Variants in ATRNL1 observed in about 807,000 individuals in gnomAD.
ATRNL1 encodes attractin-like protein 1.
ATRNL1 carries 95 observed loss-of-function variants against 182.7 expected under a neutral mutation model. The observed-to-expected ratio is 0.52, with a 90% CI of 0.44 to 0.62. The LOEUF (loss-of-function observed/expected upper bound fraction) is 0.62, where lower values mean the gene tolerates loss of function less well. Among genes scored for constraint, ATRNL1 ranks in the 20% least tolerant of loss-of-function variants. The pLI is 0.00. For synonymous variants in ATRNL1, 576 were observed against 568.3 expected, an observed-to-expected ratio of 1.01 and a Z score of -0.19; for missense variants, 1,471 against 1,679.5, an observed-to-expected ratio of 0.88 and a Z score of 2.17.
intron 9 of ATRNL1, among the ~76,000 whole-genome samples, chr10:115,236,224 TA>T (rs1362284501): frequency 6.6e-6 from 1 of 152,172 alleles, no homozygotes; most frequent in African/African-American, 2.4e-5. Flanking sequence ...GAATGTTCTT[TA>T]AAAACTAAGA....
intron 26 of ATRNL1, among the ~76,000 whole-genome samples, chr10:115,687,461 G>A (rs935892311): frequency 6.6e-6 from 1 of 151,958 alleles, no homozygotes; most frequent in Non-Finnish European, 1.5e-5. Flanking sequence ...CTTTTTTGAG[G>A]CTAAGTAATA....
intron 26 of ATRNL1, among the ~76,000 whole-genome samples, chr10:115,583,149 C>A (rs1280280389): frequency 2.0e-5 from 3 of 149,876 alleles, no homozygotes; most frequent in Non-Finnish European, 3.0e-5. Context: ...GTTACTGTAT[C>A]CTGGTAGTAT....
At chr10:115,875,446 G>A (rs1342900133) in intron 28 of ATRNL1, among the ~76,000 whole-genome samples, 5 of 152,140 alleles carry the variant, frequency 3.3e-5, no homozygotes, top group Non-Finnish European at 5.9e-5. Context: ...AGGGACAAGT[G>A]GAGAAACAAA....
chr10:115,178,866 A>T (rs949936791), intron 8 of ATRNL1, among the ~76,000 whole-genome samples: 1 of 152,174 alleles, frequency 6.6e-6, no homozygotes, highest in African/African-American at 2.4e-5. Context: ...AACTGTTAGA[A>T]ATAAATTTCC....
At chr10:115,138,660 G>T (rs904970999) in intron 5 of ATRNL1, among the ~76,000 whole-genome samples, 2 of 152,176 alleles carry the variant, frequency 1.3e-5, no homozygotes, top group East Asian at 3.9e-4. Context: ...GAGCAGGGGG[G>T]CCCTGGGCCT....
intron 28 of ATRNL1, among the ~76,000 whole-genome samples, chr10:115,914,517 C>T (rs1952785437): frequency 6.6e-6 from 1 of 152,126 alleles, no homozygotes; most frequent in African/African-American, 2.4e-5. Flanking sequence ...GTGGTCCTGC[C>T]CTGAGCAGTG....
At chr10:115,555,038 T>C (rs1213172401) in intron 26 of ATRNL1, among the ~76,000 whole-genome samples, 1 of 151,744 alleles carries the variant, frequency 6.6e-6, no homozygotes, top group African/African-American at 2.4e-5. Flanking sequence ...TGTATATGTG[T>C]TTTTATGCTA....
intron 19 of ATRNL1, among the ~76,000 whole-genome samples, chr10:115,388,123 A>G (rs1564987601): frequency 6.6e-6 from 1 of 152,322 alleles, no homozygotes; most frequent in East Asian, 1.9e-4. Context: ...CTATTCAGCT[A>G]TCTTGTTATA....
intron 28 of ATRNL1, among the ~76,000 whole-genome samples, chr10:115,879,948 G>C (rs1951790342): frequency 6.6e-6 from 1 of 152,116 alleles, no homozygotes; most frequent in Admixed American, 6.5e-5. Context: ...CAGGAGCCAG[G>C]AAATTGTTCA....
intron 24 of ATRNL1, among the ~76,000 whole-genome samples, chr10:115,483,144 T>C (rs553446475): frequency 2.0e-5 from 3 of 151,502 alleles, no homozygotes; most frequent in South Asian, 4.1e-4. Context: ...AAGAAACTTA[T>C]TGCATGTTGA....
At chr10:115,479,956 G>C (rs1205251904) in intron 24 of ATRNL1, among the ~76,000 whole-genome samples, 2 of 151,082 alleles carry the variant, frequency 1.3e-5, no homozygotes, top group African/African-American at 4.8e-5. Context: ...GAGCAAACTG[G>C]CTTTGACAAT....
intron 26 of ATRNL1, among the ~76,000 whole-genome samples, chr10:115,702,414 G>A (rs1555051787): frequency 6.6e-6 from 1 of 151,992 alleles, no homozygotes; most frequent in Non-Finnish European, 1.5e-5. Context: ...GGAAGTCCTA[G>A]TCAGAGCAAT....
chr10:115,698,282 TC>T (rs1470682019), intron 26 of ATRNL1, among the ~76,000 whole-genome samples: 1 of 152,126 alleles, frequency 6.6e-6, no homozygotes, highest in Admixed American at 6.6e-5. Flanking sequence ...TCAAATTAAG[TC>T]CAAGTAAAAT....
At position 115,551,035 on chromosome 10, in the gene ATRNL1, TGTAA is replaced by T. The variant is rs1418283286; in HGVS notation, c.3795+1506_3795+1509del. Among the ~76,000 whole-genome samples, 4 of 151,824 alleles carry T rather than the reference TGTAA, an allele frequency of 2.6e-5. 1 individual carries two copies. The highest frequency in any genetic ancestry group is 2.0e-4 in the Admixed American group (3 of 15,230). The stretch of plus-strand genomic sequence containing the variant: ...TATCTGCCATTAACTGGCAGCTGAA[TGTAA>T]GTAAGTTGTCTAGTTAAATTTCCTT... On this transcript the variant is annotated intron_variant, in intron 26 of 28. Transcript: ENST00000355044.
chr10:115,930,834 C>T (rs1012147994), intron 28 of ATRNL1, among the ~76,000 whole-genome samples: 27 of 152,154 alleles, frequency 1.8e-4, no homozygotes, highest in Admixed American at 1.2e-3. Context: ...AGCCCTTTGG[C>T]ACTGAGGCTC....
chr10:115,916,614 C>G (rs1555117328), intron 28 of ATRNL1, among the ~76,000 whole-genome samples: 2 of 152,346 alleles, frequency 1.3e-5, no homozygotes, highest in Admixed American at 1.3e-4. Flanking sequence ...TTTTTGTACT[C>G]ATTTCCATTG....
chr10:115,614,656 A>G (rs1264828797), intron 26 of ATRNL1, among the ~76,000 whole-genome samples: 17 of 152,034 alleles, frequency 1.1e-4, no homozygotes, highest in African/African-American at 2.2e-4. Context: ...ATTGCTGTCT[A>G]TATTGGTCTT....
intron 26 of ATRNL1, among the ~76,000 whole-genome samples, chr10:115,577,697 G>A (rs1854811242): frequency 6.8e-6 from 1 of 148,090 alleles, no homozygotes; most frequent in Non-Finnish European, 1.5e-5. Context: ...CAGTCTATAA[G>A]CAGTTATAAT....
chr10:115,778,823 G>A lies in ATRNL1; in HGVS notation c.3903+51468G>A, dbSNP rs141334743. 2.5e-3 allele frequency among the ~76,000 whole-genome samples: 376 copies of A among 152,192 alleles called. 1 individual carries two copies. The highest frequency in any genetic ancestry group is 8.7e-3 in the African/African-American group (360 of 41,502). On this transcript the variant is annotated intron_variant, in intron 27 of 28. Coordinates refer to ENST00000355044, the MANE Select transcript of ATRNL1 (RefSeq NM_207303.4). ...GGAATTGGAGGAAGAAAAATCTAGA[G>A]GCAAAATGACCACAAGGCAATGAGG...
Sources: allele counts gnomAD v4.1 joint callset (sites outside exome capture counted in the v4.1 genomes callset), GRCh38; gene constraint gnomAD v4.1.1; transcripts MANE v1.5; gene names NCBI Gene and HGNC (gene_info 2026-07-23, HGNC 2026-07-21).